SAMD5: variants seen among roughly 807,000 people sequenced by gnomAD.
SAMD5 encodes sterile alpha motif domain containing 5, also known as sterile alpha motif domain-containing protein 5.
A neutral mutation model predicts 11.3 loss-of-function variants in SAMD5; 13 were observed. The observed-to-expected ratio is 1.15, with a 90% confidence interval of 0.75 to 1.83. The LOEUF is 1.83. Ranked by LOEUF, SAMD5 falls within the 40% of genes most tolerant of loss-of-function variation. The probability of loss-of-function intolerance (pLI) is 0.00; values close to 1 mark genes in which losing one functional copy is unlikely to be tolerated. For missense variants in SAMD5, 255 were observed against 239.1 expected, an observed-to-expected ratio of 1.07 and a Z score of -0.44; for synonymous variants, 129 against 111.3, an observed-to-expected ratio of 1.16 and a Z score of -1.00.
chr6:147,927,457 C>A, the SAMD5 span, among the ~76,000 whole-genome samples: 4 of 152,082 alleles, frequency 2.6e-5, no homozygotes, highest in Non-Finnish European at 4.4e-5. Flanking sequence ...TGATTTGGCT[C>A]TTGGCTTGGC....
In SAMD5 at chr6:147,567,958, A is replaced by C; in HGVS notation, c.*3502A>C. ...AACAAAACAAAACAGCAAATTCATA[A>C]AGGCCAGCAGTTTTCAAGTCTGGGG... On this transcript the variant is annotated 3_prime_UTR_variant, in exon 2 of 2. Coordinates refer to ENST00000367474, the MANE Select transcript of SAMD5 (RefSeq NM_001030060.3). The C allele has an allele frequency of 1.0e-6, 1 of 986,070 alleles. No homozygotes were observed. 61.1% of individuals were successfully genotyped at this position (986,070 alleles called of 1,614,324 possible). A position where few individuals can be genotyped will look rare whatever the true frequency, so the allele number is the denominator to read the frequency against.
intron 1 of SAMD5, among the ~76,000 whole-genome samples, chr6:147,539,549 C>A (rs115732040): frequency 0.027 from 4,118 of 152,098 alleles, 195 homozygotes; most frequent in African/African-American, 0.095. Context: ...GGGATTTATC[C>A]GCTTTTAATT....
chr6:147,772,669 T>C, the SAMD5 span, among the ~76,000 whole-genome samples: 1 of 152,150 alleles, frequency 6.6e-6, no homozygotes, highest in Non-Finnish European at 1.5e-5. Flanking sequence ...ACGGGGTCTT[T>C]CTTCTGTGCA....
intron 1 of SAMD5, among the ~76,000 whole-genome samples, chr6:147,713,328 T>A (rs2128458653): frequency 6.6e-6 from 1 of 152,338 alleles, no homozygotes; most frequent in Admixed American, 6.5e-5. Context: ...GGACCCTGAA[T>A]GTATATACCC....
the SAMD5 span, among the ~76,000 whole-genome samples, chr6:147,863,838 CTTTTTTT>C: frequency 1.1e-5 from 1 of 90,874 alleles, no homozygotes; most frequent in Non-Finnish European, 2.2e-5. Context: ...TTTCTTTCCA[CTTTTTTT>C]TTTTTTTTTT....
intron 1 of SAMD5, among the ~76,000 whole-genome samples, chr6:147,597,555 A>G (rs1583100629): frequency 6.6e-6 from 1 of 152,236 alleles, no homozygotes; most frequent in East Asian, 1.9e-4. Context: ...CCCTACTGGA[A>G]AGCGTACTTA....
At chr6:147,664,109 A>G (rs1354425013) in intron 1 of SAMD5, among the ~76,000 whole-genome samples, 1 of 152,072 alleles carries the variant, frequency 6.6e-6, no homozygotes, top group Non-Finnish European at 1.5e-5. Context: ...CCTTCACTCA[A>G]CAATAAAACC....
At chr6:147,687,775 C>T (rs1012703599) in intron 1 of SAMD5, among the ~76,000 whole-genome samples, 9 of 152,184 alleles carry the variant, frequency 5.9e-5, no homozygotes, top group African/African-American at 2.2e-4. Flanking sequence ...ATTGAGTTGT[C>T]ACCTGGCTTG....
At chr6:147,618,291 G>C (rs1789903569) in intron 1 of SAMD5, among the ~76,000 whole-genome samples, 1 of 152,178 alleles carries the variant, frequency 6.6e-6, no homozygotes, top group East Asian at 1.9e-4. Context: ...TAAGAACAGA[G>C]AAATTGACCA....
the SAMD5 span, among the ~76,000 whole-genome samples, chr6:147,801,138 G>C: frequency 6.6e-6 from 1 of 152,064 alleles, no homozygotes; most frequent in African/African-American, 2.4e-5. Context: ...ATTGAAGCTT[G>C]ACATAGTACA....
the SAMD5 span, among the ~76,000 whole-genome samples, chr6:147,803,144 TGTGTGTGTGTGTGTGTG>T: frequency 8.9e-6 from 1 of 112,658 alleles, no homozygotes; most frequent in African/African-American, 3.2e-5. Flanking sequence ...TGTGTGTGTG[TGTGTGTGTGTGTGTGTG>T]TGTGTGTGTG....
intron 1 of SAMD5, among the ~76,000 whole-genome samples, chr6:147,575,355 A>G (rs1358012076): frequency 1.3e-5 from 2 of 152,262 alleles, no homozygotes; most frequent in Non-Finnish European, 2.9e-5. Flanking sequence ...GTCTGCAGAA[A>G]GTTTTCAGAC....
At chr6:147,677,349 T>TA (rs1235332764) in intron 1 of SAMD5, among the ~76,000 whole-genome samples, 2 of 152,088 alleles carry the variant, frequency 1.3e-5, no homozygotes, top group Non-Finnish European at 2.9e-5. Flanking sequence ...AGTGGTGTGG[T>TA]AAGGAACTTC....
chr6:147,608,566 C>T (rs1332552235), intron 1 of SAMD5, among the ~76,000 whole-genome samples: 1 of 152,074 alleles, frequency 6.6e-6, no homozygotes. Context: ...CATGTTCTCA[C>T]TTATTTGTGG....
At chr6:147,897,959 A>G in the SAMD5 span, among the ~76,000 whole-genome samples, 2 of 147,766 alleles carry the variant, frequency 1.4e-5, no homozygotes, top group Non-Finnish European at 3.0e-5. Flanking sequence ...AAAAAAAAAA[A>G]AAAAAAAAAA....
rs540255424 is a variant in SAMD5 at position 147,567,446 on chromosome 6, G to A, written c.*2990G>A. On this transcript the variant is annotated 3_prime_UTR_variant, in exon 2 of 2. Transcript: ENST00000367474. The stretch of plus-strand genomic sequence containing the variant: ...AGTAGTATTTTCCTGCGGTGAATCT[G>A]TTAAGGATGTAAGCTATAGTGTAGC... The A allele has an allele frequency of 1.0e-6, 1 of 984,320 alleles. No individual in the cohort carries two copies. The highest frequency in any genetic ancestry group is 4.7e-5 in the South Asian group (1 of 21,264). The allele number at this position is 984,320 out of a possible 1,614,324, so 61.0% of individuals were successfully genotyped here.
the SAMD5 span, among the ~76,000 whole-genome samples, chr6:147,832,097 C>T: frequency 0.27 from 40,899 of 151,530 alleles, 6,392 homozygotes; most frequent in African/African-American, 0.42. Context: ...AATTCAGTCA[C>T]GAAAAAGGGA....
At chr6:147,523,698 G>A (rs1170256507) in intron 1 of SAMD5, among the ~76,000 whole-genome samples, 1 of 152,116 alleles carries the variant, frequency 6.6e-6, no homozygotes, top group African/African-American at 2.4e-5. Flanking sequence ...AAAATCCATG[G>A]AGCAATTCTT....
the SAMD5 span, among the ~76,000 whole-genome samples, chr6:147,863,661 T>C: frequency 6.6e-6 from 1 of 151,854 alleles, no homozygotes; most frequent in Non-Finnish European, 1.5e-5. Context: ...AACATCCATG[T>C]CATCGTTTCA....
Sources: allele counts gnomAD v4.1 joint callset (sites outside exome capture counted in the v4.1 genomes callset), GRCh38; gene constraint gnomAD v4.1.1; transcripts MANE v1.5; gene names NCBI Gene and HGNC (gene_info 2026-07-23, HGNC 2026-07-21).